FAM222A: variants seen among roughly 807,000 people sequenced by gnomAD.
FAM222A encodes the protein protein FAM222A.
FAM222A carries 7 observed loss-of-function variants against 25.8 expected under a neutral mutation model. The observed-to-expected ratio is 0.27, with a 90% confidence interval of 0.15 to 0.51. The LOEUF is 0.51. Among genes scored for constraint, FAM222A ranks in the 20% least tolerant of loss-of-function variants. The pLI is 0.97. For missense variants in FAM222A, 573 were observed against 640.5 expected, an observed-to-expected ratio of 0.89 and a Z score of 1.14; for synonymous variants, 294 against 298.8, an observed-to-expected ratio of 0.98 and a Z score of 0.17.
intron 1 of FAM222A, among the ~76,000 whole-genome samples, chr12:109,719,239 T>C (rs116835462): frequency 0.022 from 3,281 of 152,330 alleles, 119 homozygotes; most frequent in African/African-American, 0.075. Context: ...CACATGCTGG[T>C]ACCACCCCCA....
intron 2 of FAM222A, among the ~76,000 whole-genome samples, chr12:109,764,640 T>C (rs936963628): frequency 5.9e-5 from 9 of 152,190 alleles, no homozygotes; most frequent in African/African-American, 1.9e-4. Context: ...AATTTTTTTT[T>C]CCCCGGCAGC....
intron 1 of FAM222A, among the ~76,000 whole-genome samples, chr12:109,718,053 C>T (rs1014766698): frequency 2.2e-4 from 34 of 152,318 alleles, no homozygotes; most frequent in Non-Finnish European, 3.5e-4. Flanking sequence ...CCAGTTTACT[C>T]ATCTGTGAGA....
intron 2 of FAM222A, among the ~76,000 whole-genome samples, chr12:109,754,117 G>A (rs939084739): frequency 2.0e-5 from 3 of 152,142 alleles, no homozygotes; most frequent in Non-Finnish European, 4.4e-5. Flanking sequence ...AACCATGATC[G>A]ACTACAAACA....
chr12:109,760,342 G>A (rs1472793945), intron 2 of FAM222A, among the ~76,000 whole-genome samples: 8 of 152,180 alleles, frequency 5.3e-5, no homozygotes, highest in Non-Finnish European at 1.2e-4. Context: ...AAGGACCAGT[G>A]AGGCTCCGGT....
chr12:109,769,835 C>T lies in FAM222A; in HGVS notation c.*547C>T, dbSNP rs1889192079. The stretch of plus-strand genomic sequence containing the variant: ...GTGAAGACCACTCTGACAGAGGCTC[C>T]AGGGACTATACCAGTCCCCCTGTTC... On this transcript the variant is annotated 3_prime_UTR_variant, in exon 3 of 3. Coordinates refer to ENST00000538780, the MANE Select transcript of FAM222A (RefSeq NM_032829.3). The T allele has an allele frequency of 6.3e-6, 1 of 159,722 alleles. No individual in the cohort carries two copies. Among genetic ancestry groups the T allele is most frequent in the Non-Finnish European group, 1.4e-5 (1 of 73,102 alleles). The allele number at this position is 159,722 out of a possible 1,614,324, so 9.9% of individuals were successfully genotyped here. A position where few individuals can be genotyped will look rare whatever the true frequency, so the allele number is the denominator to read the frequency against.
chr12:109,717,928 G>A (rs1887674473), intron 1 of FAM222A, among the ~76,000 whole-genome samples: 1 of 152,222 alleles, frequency 6.6e-6, no homozygotes, highest in African/African-American at 2.4e-5. Flanking sequence ...CTGGTGATGG[G>A]CAGTGGCTCC....
At chr12:109,728,327 C>T (rs1259933863) in intron 1 of FAM222A, among the ~76,000 whole-genome samples, 3 of 144,634 alleles carry the variant, frequency 2.1e-5, no homozygotes, top group Non-Finnish European at 4.5e-5. Context: ...CGTCAGGGGT[C>T]CCAGGGTCCC....
At chr12:109,737,619 G>T (rs1276408484) in intron 1 of FAM222A, among the ~76,000 whole-genome samples, 2 of 151,644 alleles carry the variant, frequency 1.3e-5, no homozygotes, top group African/African-American at 4.8e-5. Flanking sequence ...ATCCCCTTCT[G>T]GTGCTGAGGC....
intron 1 of FAM222A, among the ~76,000 whole-genome samples, chr12:109,721,454 G>A (rs981075092): frequency 6.6e-6 from 1 of 152,172 alleles, no homozygotes; most frequent in Non-Finnish European, 1.5e-5. Flanking sequence ...TGTGCCCTTG[G>A]CAGACATTGC....
intron 1 of FAM222A, among the ~76,000 whole-genome samples, chr12:109,731,937 T>G (rs1238096081): frequency 6.6e-6 from 1 of 152,024 alleles, no homozygotes; most frequent in Non-Finnish European, 1.5e-5. Context: ...GGCCTTGGAG[T>G]AGAAAGAGAC....
At position 109,768,713 on chromosome 12, in the gene FAM222A, G is replaced by T; in HGVS notation, c.784G>T (p.Gly262Ter). 1 of 1,581,636 alleles carries T rather than the reference G, an allele frequency of 6.3e-7. No individual in the cohort carries two copies. Among genetic ancestry groups the T allele is most frequent in the East Asian group, 2.3e-5 (1 of 43,792 alleles). The change falls in exon 3 of 3, where the codon GGA becomes TGA. Residue 262 changes from glycine to a stop codon, truncating the protein, a stop_gained. Coordinates refer to ENST00000538780, the MANE Select transcript of FAM222A (RefSeq NM_032829.3). LOFTEE classifies it high-confidence loss of function. ...CCGGAAAGGCACTGAGCTGGGCCAG[G>T]GAGCCACCCAAGCCTTGACGTTGGC... ...DCRKGTELGQ[G>*]ATQALTLAGA...
chr12:109,726,014 G>A (rs1887836599), intron 1 of FAM222A, among the ~76,000 whole-genome samples: 1 of 151,920 alleles, frequency 6.6e-6, no homozygotes, highest in Non-Finnish European at 1.5e-5. Flanking sequence ...AGGGTTGCTG[G>A]GGGTCAGCCA....
Position 109,713,870 on chromosome 12 carries a change from C to A in FAM222A, c.-1074C>A, listed in dbSNP as rs949470443. ...GCGGGCAGGACTGCCTGGCCGGCTG[C>A]TCCGCGGAGAGGCTGCGCGCGCCGG... On this transcript the variant is annotated 5_prime_UTR_variant, in exon 1 of 3. Coordinates refer to ENST00000538780, the MANE Select transcript of FAM222A (RefSeq NM_032829.3). Among the ~76,000 whole-genome samples, 4 of 148,912 alleles carry A rather than the reference C, an allele frequency of 2.7e-5. No homozygotes were observed. Among genetic ancestry groups the A allele is most frequent in the African/African-American group, 9.8e-5 (4 of 40,964 alleles).
At chr12:109,730,235 G>A (rs1407132249) in intron 1 of FAM222A, among the ~76,000 whole-genome samples, 1 of 152,174 alleles carries the variant, frequency 6.6e-6, no homozygotes, top group East Asian at 1.9e-4. Context: ...GTGAATGTGG[G>A]TTCAAATCCC....
chr12:109,744,695 G>T, intron 2 of FAM222A: 1 of 985,396 alleles, frequency 1.0e-6, no homozygotes, highest in Non-Finnish European at 1.2e-6. Context: ...GTGACCAGGG[G>T]TCTGTTCTCA....
chr12:109,722,727 G>A (rs1031734965), intron 1 of FAM222A: 1 of 152,166 alleles, frequency 6.6e-6, no homozygotes, highest in African/African-American at 2.4e-5. Flanking sequence ...TGCACCTTTC[G>A]AGCCACACCT....
At chr12:109,749,742 T>C (rs1014300752) in intron 2 of FAM222A, among the ~76,000 whole-genome samples, 1 of 152,236 alleles carries the variant, frequency 6.6e-6, no homozygotes, top group African/African-American at 2.4e-5. Context: ...GGCTTTTGAA[T>C]GGTGATGCAA....
intron 1 of FAM222A, among the ~76,000 whole-genome samples, chr12:109,740,704 T>C (rs1302405909): frequency 6.6e-6 from 1 of 152,230 alleles, no homozygotes; most frequent in African/African-American, 2.4e-5. Context: ...GATTCGGCCA[T>C]TCATTCAACA....
intron 2 of FAM222A, among the ~76,000 whole-genome samples, chr12:109,758,060 C>T (rs1469821121): frequency 6.6e-6 from 1 of 152,194 alleles, no homozygotes; most frequent in African/African-American, 2.4e-5. Context: ...CCCAGCCCCA[C>T]CAGCAGGGCC....
Sources: gnomAD v4.1 joint callset for allele counts (sites outside exome capture counted in the v4.1 genomes callset) on GRCh38, gnomAD v4.1.1 for gene constraint, MANE v1.5 for transcripts, NCBI Gene and HGNC (gene_info 2026-07-23, HGNC 2026-07-21) for gene names.